Variants in ANKRD28 observed in about 807,000 individuals in gnomAD.
ANKRD28 encodes serine/threonine-protein phosphatase 6 regulatory ankyrin repeat subunit A.
Under a neutral mutation model 126.5 loss-of-function variants are expected in ANKRD28, and 44 were observed. The observed-to-expected ratio is 0.35, with a 90% CI of 0.27 to 0.45. The LOEUF (loss-of-function observed/expected upper bound fraction) is 0.45, where lower values mean the gene tolerates loss of function less well. Among genes scored for constraint, ANKRD28 ranks in the 20% least tolerant of loss-of-function variants. ANKRD28 has a pLI of 1.00. For synonymous variants in ANKRD28, 442 were observed against 468.5 expected, an observed-to-expected ratio of 0.94 and a Z score of 0.73; for missense variants, 1,110 against 1,316.6, an observed-to-expected ratio of 0.84 and a Z score of 2.43.
At chr3:15,745,140 T>C (rs1489630864) in intron 4 of ANKRD28, among the ~76,000 whole-genome samples, 1 of 152,238 alleles carries the variant, frequency 6.6e-6, no homozygotes, top group African/African-American at 2.4e-5. Context: ...ATTACTCCTT[T>C]GTTAGGTGTA....
At chr3:15,713,980 A>C (rs1356270105) in intron 9 of ANKRD28, among the ~76,000 whole-genome samples, 1 of 152,222 alleles carries the variant, frequency 6.6e-6, no homozygotes, top group Non-Finnish European at 1.5e-5. Context: ...TCTGTCATCA[A>C]GACTGCATGC....
intron 6 of ANKRD28, among the ~76,000 whole-genome samples, chr3:15,734,278 T>G (rs1359304845): frequency 6.6e-6 from 1 of 152,222 alleles, no homozygotes; most frequent in South Asian, 2.1e-4. Context: ...CCATTGAATC[T>G]TCTGTTAATC....
intron 18 of ANKRD28, among the ~76,000 whole-genome samples, chr3:15,688,507 A>G (rs1363914175): frequency 6.6e-6 from 1 of 152,226 alleles, no homozygotes; most frequent in African/African-American, 2.4e-5. Context: ...CAAACCATAT[A>G]GTAGTGTATA....
chr3:15,735,383 C>A, intron 6 of ANKRD28, 27 bp downstream of exon 6: 1 of 1,495,686 alleles, frequency 6.7e-7, no homozygotes, highest in Non-Finnish European at 9.0e-7. Context: ...TATATAATAT[C>A]AAAAACTAAA....
chr3:15,832,635 A>G (rs899834285), intron 1 of ANKRD28, among the ~76,000 whole-genome samples: 2 of 152,136 alleles, frequency 1.3e-5, no homozygotes, highest in Admixed American at 6.5e-5. Flanking sequence ...GTAGTTTCTA[A>G]TATCTGTTAT....
At chr3:15,713,693 A>G in intron 9 of ANKRD28, 52 bp from the exon 10 acceptor site, 1 of 1,164,848 alleles carries the variant, frequency 8.6e-7, no homozygotes, top group East Asian at 2.6e-5. Context: ...GATCAGGTCA[A>G]ACGTACTACA....
At chr3:15,823,464 C>G (rs75741193) in intron 1 of ANKRD28, among the ~76,000 whole-genome samples, 9,114 of 152,206 alleles carry the variant, frequency 0.06, 368 homozygotes, top group South Asian at 0.11. Flanking sequence ...CTGATGAAGT[C>G]TACCAAAAAT....
chr3:15,729,110 T>C (rs906366141), intron 6 of ANKRD28, among the ~76,000 whole-genome samples: 32 of 152,150 alleles, frequency 2.1e-4, no homozygotes, highest in African/African-American at 5.8e-4. Context: ...GTTGCTTTCA[T>C]CCATTAGCCA....
intron 1 of ANKRD28, among the ~76,000 whole-genome samples, chr3:15,848,314 T>C (rs903720388): frequency 1.3e-5 from 2 of 152,206 alleles, no homozygotes; most frequent in African/African-American, 4.8e-5. Context: ...GATTTTTCTT[T>C]CCTAAACTTT....
chr3:15,801,605 C>T (rs1219395162), upstream of ANKRD28, among the ~76,000 whole-genome samples: 1 of 152,220 alleles, frequency 6.6e-6, no homozygotes, highest in South Asian at 2.1e-4. The surrounding 1 kb of genome is among the most constrained non-coding windows in gnomAD (Gnocchi z 4.9). Context: ...CTCATCTATC[C>T]ATATACTTTA....
At position 15,845,549 on chromosome 3, in the gene ANKRD28, A is replaced by G. The variant is rs1296707646; in HGVS notation, c.27+13828T>C. ...TTGGATTAGGCTACTTATTAGATCT[A>G]CTTGACTAATACCACACTTGCTATT... On this transcript the variant is annotated intron_variant, in intron 1 of 27. Coordinates refer to the ANKRD28 transcript ENST00000399451. This position sits in a 1 kb window ranked among gnomAD's most constrained non-coding sequence, Gnocchi z 4.9. Among the ~76,000 whole-genome samples, 1 of 152,174 alleles carries G rather than the reference A, an allele frequency of 6.6e-6. No individual in the cohort carries two copies. The highest frequency in any genetic ancestry group is 1.5e-5 in the Non-Finnish European group (1 of 68,030).
chr3:15,850,201 AAAAATATATAT>A (rs2061611197), intron 1 of ANKRD28, among the ~76,000 whole-genome samples: 1 of 52,364 alleles, frequency 1.9e-5, no homozygotes, highest in South Asian at 8.2e-4. Context: ...AAAAAAAAAA[AAAAATATATAT>A]ATATATATAT....
chr3:15,836,957 G>T (rs180833609), intron 1 of ANKRD28, among the ~76,000 whole-genome samples: 2 of 151,798 alleles, frequency 1.3e-5, no homozygotes, highest in East Asian at 1.9e-4. Flanking sequence ...AAAATTAGCC[G>T]GGCATGGTGG....
chr3:15,830,029 C>T lies in ANKRD28; in HGVS notation c.27+29348G>A, dbSNP rs891074540. Among the ~76,000 whole-genome samples, 1 of 151,546 alleles carries T rather than the reference C, an allele frequency of 6.6e-6. No individual in the cohort carries two copies. Among genetic ancestry groups the T allele is most frequent in the African/African-American group, 2.4e-5 (1 of 41,200 alleles). ...TATACTCATTTTATCATACAGACAC[C>T]CCAGGGTGAAGTGTAATGTAAGTAA... On this transcript the variant is annotated intron_variant, in intron 1 of 27. Coordinates refer to the ANKRD28 transcript ENST00000399451. The surrounding 1 kb of genome is among the most constrained non-coding windows in gnomAD (Gnocchi z 4.5).
rs529809540 is a variant in ANKRD28 at position 15,797,721 on chromosome 3, T to C, written c.-1200A>G. The C allele has an allele frequency of 4.1e-6, 4 of 985,420 alleles. No homozygotes were observed. The African/African-American group carries it at 7.0e-5, about 17-fold the overall frequency. The allele number at this position is 985,420 out of a possible 1,614,324, so 61.0% of individuals were successfully genotyped here. On this transcript the variant is annotated 5_prime_UTR_variant, in exon 1 of 28. Transcript: ENST00000683139. Reference sequence around the variant, plus strand: ...CTACTTTATTCAGTCATCTGCCTCTTTGCCAATATAGTTTCCTTCCACTGT... The same window carrying C: ...CTACTTTATTCAGTCATCTGCCTCTCTGCCAATATAGTTTCCTTCCACTGT...
At chr3:15,779,970 T>A (rs1187794059) in intron 2 of ANKRD28, among the ~76,000 whole-genome samples, 2 of 152,078 alleles carry the variant, frequency 1.3e-5, no homozygotes, top group Admixed American at 1.3e-4. Context: ...ACAGCTAACA[T>A]CACACTTAAC....
intron 21 of ANKRD28, chr3:15,684,753 C>T (rs1214489545): frequency 6.5e-6 from 1 of 153,508 alleles, no homozygotes; most frequent in Non-Finnish European, 1.4e-5. Flanking sequence ...AATCAAAATA[C>T]AAGCACACTA....
intron 12 of ANKRD28, among the ~76,000 whole-genome samples, chr3:15,710,034 A>AT (rs1421472228): frequency 1.6e-5 from 1 of 61,478 alleles, no homozygotes; most frequent in Non-Finnish European, 3.0e-5. Context: ...ACTTGCTTAT[A>AT]GGTTTTTTTT....
At chr3:15,841,072 A>T (rs1028661826) in intron 1 of ANKRD28, among the ~76,000 whole-genome samples, 3 of 152,206 alleles carry the variant, frequency 2.0e-5, no homozygotes, top group Admixed American at 2.0e-4. Flanking sequence ...TGGGAGGCAG[A>T]GGTTGCAGTA....
Sources: allele counts gnomAD v4.1 joint callset (sites outside exome capture counted in the v4.1 genomes callset), GRCh38; gene constraint gnomAD v4.1.1; non-coding constraint Gnocchi (gnomAD v3.1); transcripts MANE v1.5; gene names NCBI Gene and HGNC (gene_info 2026-07-23, HGNC 2026-07-21).